Variants in DROSHA observed in about 807,000 individuals in gnomAD.
DROSHA encodes the protein ribonuclease 3.
DROSHA carries 56 observed loss-of-function variants against 181.9 expected under a neutral mutation model. The ratio of observed to expected loss-of-function variants is 0.31; its 90% CI spans 0.25 to 0.38. DROSHA has a LOEUF of 0.38. Ranked by LOEUF, DROSHA falls within the 10% of genes least tolerant of loss-of-function variation. The pLI is 1.00. For synonymous variants in DROSHA, 524 were observed against 591.2 expected, an observed-to-expected ratio of 0.89 and a Z score of 1.65; for missense variants, 1,218 against 1,743.5, an observed-to-expected ratio of 0.70 and a Z score of 5.37.
chr5:31,422,192 A>C (rs1053614320), intron 29 of DROSHA, among the ~76,000 whole-genome samples: 8 of 152,090 alleles, frequency 5.3e-5, no homozygotes, highest in Admixed American at 3.3e-4. Context: ...CTATGATAAG[A>C]ATCTTTCATC....
At chr5:31,495,478 T>A (rs1752875703) in intron 11 of DROSHA, 106 bp from the exon 12 acceptor site, 1 of 1,037,124 alleles carries the variant, frequency 9.6e-7, no homozygotes, top group African/African-American at 1.6e-5. Flanking sequence ...AGGTTTTATG[T>A]CTGTTCCTTC....
At chr5:31,495,237 A>G in intron 12 of DROSHA, 49 bp downstream of exon 12, 1 of 1,549,122 alleles carries the variant, frequency 6.5e-7, no homozygotes, top group Non-Finnish European at 8.9e-7. Flanking sequence ...TTCACATTTT[A>G]CTCTATTTAC....
intron 2 of DROSHA, 37 bp downstream of exon 2, chr5:31,531,413 G>C (rs1263646368): frequency 6.6e-6 from 1 of 152,154 alleles, no homozygotes; most frequent in Non-Finnish European, 1.5e-5. Flanking sequence ...TGTTGTGGAT[G>C]CAGACTTTAA....
rs1472622389 is a variant in DROSHA at position 31,400,616 on chromosome 5, TAGAG to T, written c.*812_*815del. 3 of 152,234 alleles carry T rather than the reference TAGAG, an allele frequency of 2.0e-5. No homozygotes were observed. Among genetic ancestry groups the T allele is most frequent in the Non-Finnish European group, 4.4e-5 (3 of 68,052 alleles). The allele number at this position is 152,234 out of a possible 1,614,324, so 9.4% of individuals were successfully genotyped here. A position where few individuals can be genotyped will look rare whatever the true frequency, so the allele number is the denominator to read the frequency against. On this transcript the variant is annotated 3_prime_UTR_variant, in exon 36 of 36. Coordinates refer to ENST00000344624, the MANE Select transcript of DROSHA (RefSeq NM_001382508.1). ...TTAGCCTTTTACTGCAGGGCCCACTTAGAGAGGCTGATAAAAGCTATAAACCCTC... is the reference window on the plus strand; with the variant it reads ...TTAGCCTTTTACTGCAGGGCCCACTTAGGCTGATAAAAGCTATAAACCCTC...
At chr5:31,476,394 G>A (rs1353880699) in intron 16 of DROSHA, among the ~76,000 whole-genome samples, 2 of 152,140 alleles carry the variant, frequency 1.3e-5, no homozygotes, top group Non-Finnish European at 2.9e-5. Context: ...ATCACAAGGT[G>A]CTTATAAGAA....
At chr5:31,511,988 ACTCT>A (rs760276695) in intron 8 of DROSHA, among the ~76,000 whole-genome samples, 73 of 151,508 alleles carry the variant, frequency 4.8e-4, no homozygotes, top group East Asian at 7.8e-4. Flanking sequence ...ACATGCACAC[ACTCT>A]CTCTCACACA....
At chr5:31,507,893 G>A (rs1738177683) in intron 10 of DROSHA, among the ~76,000 whole-genome samples, 1 of 152,070 alleles carries the variant, frequency 6.6e-6, no homozygotes, top group African/African-American at 2.4e-5. Context: ...ATACATTTCT[G>A]CCAGACGTTC....
intron 16 of DROSHA, among the ~76,000 whole-genome samples, chr5:31,477,854 A>G (rs928534962): frequency 6.6e-6 from 1 of 152,204 alleles, no homozygotes; most frequent in Non-Finnish European, 1.5e-5. Flanking sequence ...TTGAGAAAAA[A>G]TTTTAAATCT....
At chr5:31,522,048 C>G (rs1316029266) in intron 5 of DROSHA, among the ~76,000 whole-genome samples, 1 of 152,146 alleles carries the variant, frequency 6.6e-6, no homozygotes, top group African/African-American at 2.4e-5. Context: ...AAATATCCCC[C>G]AACCTATCAC....
At chr5:31,426,216 G>A (rs1001797745) in intron 27 of DROSHA, among the ~76,000 whole-genome samples, 12 of 152,018 alleles carry the variant, frequency 7.9e-5, no homozygotes, top group Middle Eastern at 3.4e-3. Flanking sequence ...ACCGAGATAG[G>A]GTTCTGCTGC....
At chr5:31,529,736 A>AAAC (rs1336854140) in intron 3 of DROSHA, among the ~76,000 whole-genome samples, 2 of 97,066 alleles carry the variant, frequency 2.1e-5, no homozygotes, top group African/African-American at 1.1e-4. Flanking sequence ...AAAACAAACA[A>AAAC]AAAAAAAAAA....
At chr5:31,522,213 C>T (rs903936847) in intron 5 of DROSHA, among the ~76,000 whole-genome samples, 3 of 152,134 alleles carry the variant, frequency 2.0e-5, no homozygotes, top group Admixed American at 6.5e-5. Context: ...TATATACAAT[C>T]CTCAGATATA....
intron 5 of DROSHA, among the ~76,000 whole-genome samples, chr5:31,523,049 C>T (rs932745459): frequency 6.6e-6 from 1 of 152,162 alleles, no homozygotes; most frequent in Non-Finnish European, 1.5e-5. Flanking sequence ...AACAAGAAAA[C>T]AGACTATAGA....
rs1263832811 is a variant in DROSHA at position 31,415,605 on chromosome 5, C to T, written c.3526-4718G>A. Among the ~76,000 whole-genome samples the T allele has an allele frequency of 2.0e-5, 3 of 152,198 alleles. No individual in the cohort carries two copies. In the East Asian group the frequency reaches 5.8e-4, roughly 29 times the overall value. ...TTGAGCTTTTTATCTGTAATCCTTG[C>T]TCTCTTTCCCATTATCCCAAATCAT... On this transcript the variant is annotated intron_variant, in intron 30 of 35. Coordinates refer to ENST00000344624, the MANE Select transcript of DROSHA (RefSeq NM_001382508.1).
chr5:31,528,704 T>C (rs1339197669), intron 4 of DROSHA, among the ~76,000 whole-genome samples: 1 of 152,238 alleles, frequency 6.6e-6, no homozygotes, highest in Non-Finnish European at 1.5e-5. Flanking sequence ...TTTGTTAGGT[T>C]CCTTGCTCTC....
intron 28 of DROSHA, among the ~76,000 whole-genome samples, 182 bp downstream of exon 28, chr5:31,424,245 A>G (rs1051276383): frequency 5.9e-5 from 9 of 152,266 alleles, no homozygotes; most frequent in African/African-American, 1.9e-4. Flanking sequence ...CCACATAAAC[A>G]CAATGCATGG....
Position 31,431,805 on chromosome 5 carries a change from T to C in DROSHA, c.3043-127A>G, listed in dbSNP as rs1335505531. ...GGGCAGCGTAATGGTTACAAATCCATGAATATATTAAGAGAGAGTTTAGTT... is the reference window on the plus strand; with the variant it reads ...GGGCAGCGTAATGGTTACAAATCCACGAATATATTAAGAGAGAGTTTAGTT... On this transcript the variant is annotated intron_variant, in intron 25 of 35. Transcript: ENST00000344624. The C allele has an allele frequency of 1.2e-5, 9 of 750,974 alleles. No homozygotes were observed. The Admixed American group carries it at 1.7e-4, about 14-fold the overall frequency. The allele number at this position is 750,974 out of a possible 1,614,324, so 46.5% of individuals were successfully genotyped here. A position where few individuals can be genotyped will look rare whatever the true frequency, so the allele number is the denominator to read the frequency against.
chr5:31,529,670 G>T (rs1015345641), intron 3 of DROSHA, among the ~76,000 whole-genome samples: 10 of 150,762 alleles, frequency 6.6e-5, no homozygotes, highest in Non-Finnish European at 1.5e-4. Flanking sequence ...GGGAGGCAGA[G>T]CTTGCAGTGA....
chr5:31,446,676 T>TAAAAAAA (rs35657251), intron 23 of DROSHA, among the ~76,000 whole-genome samples: 1 of 128,020 alleles, frequency 7.8e-6, no homozygotes, highest in African/African-American at 2.9e-5. Flanking sequence ...TGTCTCTATT[T>TAAAAAAA]AAAAAAAAAA....
Sources: allele counts gnomAD v4.1 joint callset (sites outside exome capture counted in the v4.1 genomes callset), GRCh38; gene constraint gnomAD v4.1.1; transcripts MANE v1.5; gene names NCBI Gene and HGNC (gene_info 2026-07-23, HGNC 2026-07-21).